The following EYS variants were observed in gnomAD, a reference collection of about 807,000 sequenced individuals.
EYS encodes protein eyes shut homolog.
A neutral mutation model predicts 282.1 loss-of-function variants in EYS; 250 were observed. That is an observed-to-expected ratio of 0.89 (90% confidence interval 0.80 to 0.98). The LOEUF is 0.98. Ranked by LOEUF, EYS falls within the 50% of genes least tolerant of loss-of-function variation. The probability of loss-of-function intolerance (pLI) is 0.00; values close to 1 mark genes in which losing one functional copy is unlikely to be tolerated. For missense variants in EYS, 4,016 were observed against 3,709.0 expected, an observed-to-expected ratio of 1.08 and a Z score of -2.15; for synonymous variants, 1,355 against 1,282.9, an observed-to-expected ratio of 1.06 and a Z score of -1.20.
At chr6:63,846,496 C>A (rs1772101238) in intron 36 of EYS, among the ~76,000 whole-genome samples, 1 of 152,142 alleles carries the variant, frequency 6.6e-6, no homozygotes, top group Non-Finnish European at 1.5e-5. Flanking sequence ...TCAAAAATAC[C>A]CTTGGCCACT....
chr6:65,285,563 A>T (rs531608420), intron 12 of EYS, among the ~76,000 whole-genome samples: 34 of 152,126 alleles, frequency 2.2e-4, no homozygotes, highest in African/African-American at 7.7e-4. Context: ...TTCTATTCAT[A>T]AAAAAGATCA....
At chr6:64,403,799 A>G (rs370586110) in intron 28 of EYS, among the ~76,000 whole-genome samples, 4 of 152,336 alleles carry the variant, frequency 2.6e-5, no homozygotes, top group Admixed American at 6.5e-5. Context: ...CCAGAAGTAG[A>G]GGTGATAAAG....
intron 12 of EYS, among the ~76,000 whole-genome samples, chr6:65,212,351 T>A (rs1308822929): frequency 1.3e-5 from 2 of 152,068 alleles, no homozygotes; most frequent in Non-Finnish European, 2.9e-5. Context: ...AGTAATCAGA[T>A]AAAATTTTTT....
At chr6:64,254,757 A>G (rs988078853) in intron 30 of EYS, among the ~76,000 whole-genome samples, 5 of 152,204 alleles carry the variant, frequency 3.3e-5, no homozygotes, top group South Asian at 2.1e-4. Context: ...TCCTGTTTGC[A>G]TTATTGTAAC....
chr6:65,539,262 C>G (rs1768074152), intron 2 of EYS, among the ~76,000 whole-genome samples: 2 of 152,112 alleles, frequency 1.3e-5, no homozygotes, highest in African/African-American at 4.8e-5. Context: ...TAATATTTCT[C>G]AGAAACATTT....
intron 5 of EYS, among the ~76,000 whole-genome samples, chr6:65,455,961 G>A (rs1366256417): frequency 6.6e-6 from 1 of 150,700 alleles, no homozygotes. Context: ...CGGAAGGAAG[G>A]AAGGAAGGAA....
Position 64,350,650 on chromosome 6 carries a change from G to A in EYS, c.6078+38040C>T, listed in dbSNP as rs1771592632. 2.6e-5 allele frequency among the ~76,000 whole-genome samples: 4 copies of A among 151,724 alleles called. No homozygotes were observed. In the South Asian group the frequency reaches 8.3e-4, roughly 31 times the overall value. On this transcript the variant is annotated intron_variant, in intron 29 of 42. Transcript: ENST00000503581. The stretch of plus-strand genomic sequence containing the variant: ...GTTGAAAGGAGAAATAAGTCTCTAA[G>A]AAGGATTCAGCGTAAAGCTCTGGAA...
intron 2 of EYS, among the ~76,000 whole-genome samples, chr6:65,600,160 A>C (rs935463714): frequency 6.6e-6 from 1 of 151,950 alleles, no homozygotes; most frequent in African/African-American, 2.4e-5. Flanking sequence ...TTTTGTGCAA[A>C]GACCTCTGAC....
chr6:64,768,105 T>G (rs898500426), intron 22 of EYS, among the ~76,000 whole-genome samples: 3 of 152,100 alleles, frequency 2.0e-5, no homozygotes, highest in Non-Finnish European at 2.9e-5. Context: ...TGAAATAAAA[T>G]TTAAATTAAC....
In EYS at chr6:65,431,262, AC is replaced by A. The variant is rs145869032; in HGVS notation, c.863-25896del. On this transcript the variant is annotated intron_variant, in intron 5 of 42. Transcript: ENST00000503581. ...GGGTCATAACCTCCTTTTGAGAAACACCTTTTCCTTTACTCCTTAATATCAC... is the reference window on the plus strand; with the variant it reads ...GGGTCATAACCTCCTTTTGAGAAACACTTTTCCTTTACTCCTTAATATCAC... Among the ~76,000 whole-genome samples, 770 of 152,138 alleles carry A rather than the reference AC, an allele frequency of 5.1e-3. 6 individuals carry two copies. Among genetic ancestry groups the A allele is most frequent in the African/African-American group, 0.018 (727 of 41,496 alleles).
intron 15 of EYS, among the ~76,000 whole-genome samples, chr6:64,918,833 T>C (rs1039321204): frequency 2.0e-5 from 3 of 152,142 alleles, no homozygotes; most frequent in African/African-American, 7.2e-5. Flanking sequence ...ATCAAATAAA[T>C]TGCATGATTT....
chr6:64,781,392 T>A (rs900947190), intron 22 of EYS, among the ~76,000 whole-genome samples: 3 of 151,904 alleles, frequency 2.0e-5, no homozygotes, highest in Admixed American at 6.6e-5. Flanking sequence ...CGATTATTTA[T>A]CAATCAAACC....
chr6:64,878,253 G>A (rs1181000512), intron 19 of EYS, among the ~76,000 whole-genome samples: 6 of 151,994 alleles, frequency 3.9e-5, no homozygotes, highest in Non-Finnish European at 8.8e-5. Context: ...AATAATAATG[G>A]AGAGAATCCA....
At chr6:64,668,024 T>C (rs1445470084) in intron 22 of EYS, among the ~76,000 whole-genome samples, 2 of 152,200 alleles carry the variant, frequency 1.3e-5, no homozygotes, top group Non-Finnish European at 2.9e-5. Context: ...CGTAAGAATT[T>C]GCATCTATAA....
At chr6:64,676,079 T>TAG (rs201503839) in intron 22 of EYS, among the ~76,000 whole-genome samples, 1 of 147,036 alleles carries the variant, frequency 6.8e-6, no homozygotes. Flanking sequence ...TATAGATAGA[T>TAG]AGAGAGAGAG....
At chr6:64,162,184 C>G (rs887661059) in intron 31 of EYS, among the ~76,000 whole-genome samples, 1 of 152,146 alleles carries the variant, frequency 6.6e-6, no homozygotes, top group Non-Finnish European at 1.5e-5. Context: ...TATTTGAGAT[C>G]CCTCTGAAGA....
chr6:65,592,723 G>C (rs1205902285), intron 2 of EYS, among the ~76,000 whole-genome samples: 1 of 151,960 alleles, frequency 6.6e-6, no homozygotes, highest in African/African-American at 2.4e-5. Flanking sequence ...ATTAAACACA[G>C]TTTAAAATTA....
At position 64,723,968 on chromosome 6, in the gene EYS, T is replaced by A. The variant is rs568822823; in HGVS notation, c.3443+89410A>T. ...CTTGACACTCTCCTTAACCATAACC[T>A]CCTGGTGGTCCCACTTCTATCAGCC... On this transcript the variant is annotated intron_variant, in intron 22 of 42. Transcript: ENST00000503581. 4.6e-5 allele frequency among the ~76,000 whole-genome samples: 7 copies of A among 152,148 alleles called. No homozygotes were observed. In the South Asian group the frequency reaches 1.5e-3, roughly 32 times the overall value.
intron 31 of EYS, among the ~76,000 whole-genome samples, chr6:64,138,775 T>C (rs965392863): frequency 6.6e-6 from 1 of 152,204 alleles, no homozygotes; most frequent in Admixed American, 6.6e-5. Context: ...ATGGATAGCA[T>C]CAAATGAGAG....
Sources: allele counts gnomAD v4.1 joint callset (sites outside exome capture counted in the v4.1 genomes callset), GRCh38; gene constraint gnomAD v4.1.1; transcripts MANE v1.5; gene names NCBI Gene and HGNC (gene_info 2026-07-23, HGNC 2026-07-21).